Variants in MXI1 observed in about 807,000 individuals in gnomAD.
MXI1 encodes MAX interactor 1, dimerization protein.
A neutral mutation model predicts 36.9 loss-of-function variants in MXI1; 18 were observed. The observed-to-expected ratio is 0.49, with a 90% CI of 0.34 to 0.72. The LOEUF is 0.72. Ranked by LOEUF, MXI1 falls within the 30% of genes least tolerant of loss-of-function variation. MXI1 has a pLI of 0.01. For synonymous variants in MXI1, 160 were observed against 146.7 expected (o/e 1.09, Z -0.65); for missense variants, 304 against 379.1 (o/e 0.80, Z 1.64).
At chr10:110,213,244 T>G (rs1290972013) in intron 1 of MXI1, among the ~76,000 whole-genome samples, 1 of 152,234 alleles carries the variant, frequency 6.6e-6, no homozygotes, top group Non-Finnish European at 1.5e-5. Flanking sequence ...TAGAGTGACT[T>G]CTGCTGAAAT....
intron 3 of MXI1, among the ~76,000 whole-genome samples, chr10:110,246,931 A>C (rs146387061): frequency 6.6e-6 from 1 of 152,282 alleles, no homozygotes; most frequent in African/African-American, 2.4e-5. Flanking sequence ...TAAAACCTTA[A>C]ATTGAAGTTT....
chr10:110,250,131 GAT>G lies in MXI1; in HGVS notation c.437+5276_437+5277del, dbSNP rs201192295. On this transcript the variant is annotated intron_variant, in intron 3 of 5. Coordinates refer to ENST00000332674, the MANE Select transcript of MXI1 (RefSeq NM_130439.3). ...GGGAGCTCTAGGTAGTTTCAGGACT[GAT>G]AGAGAAATTCAGATTTTTTTCTTGG... 7.1e-3 allele frequency among the ~76,000 whole-genome samples: 1,082 copies of G among 152,254 alleles called. 20 individuals carry two copies. The highest frequency in any genetic ancestry group is 7.3e-3 in the Non-Finnish European group (495 of 68,012).
In MXI1 at chr10:110,286,362, T is replaced by TC. The variant is rs1296236351; in HGVS notation, c.*1378dup. The TC allele has an allele frequency of 2.0e-5, 3 of 152,616 alleles. No homozygotes were observed. The highest frequency in any genetic ancestry group is 1.3e-4 in the Admixed American group (2 of 15,284). 9.5% of individuals were successfully genotyped at this position (152,616 alleles called of 1,614,324 possible). A position where few individuals can be genotyped will look rare whatever the true frequency, so the allele number is the denominator to read the frequency against. On this transcript the variant is annotated 3_prime_UTR_variant, in exon 6 of 6. Transcript: ENST00000332674. Reference sequence around the variant, plus strand: ...TAGCCTGCACTTTGATGTCATGTGTTCCCTTTGTCTTTCAAACTCCAAGGT... The same window carrying TC: ...TAGCCTGCACTTTGATGTCATGTGTTCCCCTTTGTCTTTCAAACTCCAAGGT...
chr10:110,270,342 G>GAT (rs1205267872), intron 3 of MXI1, among the ~76,000 whole-genome samples: 1 of 152,144 alleles, frequency 6.6e-6, no homozygotes, highest in Admixed American at 6.5e-5. Context: ...GCACAGAATG[G>GAT]ATGTCAAGTG....
At chr10:110,238,934 C>G (rs944219651) in intron 2 of MXI1, among the ~76,000 whole-genome samples, 1 of 152,126 alleles carries the variant, frequency 6.6e-6, no homozygotes, top group Admixed American at 6.5e-5. Context: ...GATGTACACT[C>G]TTGATACTGT....
chr10:110,223,436 C>T (rs536700610), intron 1 of MXI1, among the ~76,000 whole-genome samples: 78 of 152,122 alleles, frequency 5.1e-4, no homozygotes, highest in African/African-American at 1.8e-3. Context: ...AAAAAATTAG[C>T]TGGGCGTGGT....
At chr10:110,218,824 C>T (rs962440556) in intron 1 of MXI1, among the ~76,000 whole-genome samples, 12 of 152,194 alleles carry the variant, frequency 7.9e-5, no homozygotes, top group Non-Finnish European at 1.8e-4. Context: ...CTGGCCCATA[C>T]ATGGAGCCAA....
chr10:110,244,870 T>G lies in MXI1; in HGVS notation c.437+13T>G. ...TGGAAAAGAATCGGTGAGTCAGTGA[T>G]GAGGTACAGCTTTCACTTACGTTTA... On this transcript the variant is annotated intron_variant, in intron 3 of 5. Transcript: ENST00000332674. The G allele has an allele frequency of 6.2e-7, 1 of 1,608,048 alleles. No homozygotes were observed. The highest frequency in any genetic ancestry group is 8.5e-7 in the Non-Finnish European group (1 of 1,177,774).
At chr10:110,275,665 T>G (rs1171432881) in intron 3 of MXI1, among the ~76,000 whole-genome samples, 1 of 152,220 alleles carries the variant, frequency 6.6e-6, no homozygotes, top group Non-Finnish European at 1.5e-5. Flanking sequence ...GGTCAGCTGC[T>G]GTTCTTCAAC....
At chr10:110,216,713 G>A (rs1199101118) in intron 1 of MXI1, among the ~76,000 whole-genome samples, 2 of 72,588 alleles carry the variant, frequency 2.8e-5, no homozygotes, top group Admixed American at 2.1e-4. Flanking sequence ...CTGTTACCCA[G>A]GCTAGTACAG....
intron 2 of MXI1, among the ~76,000 whole-genome samples, chr10:110,234,423 A>G (rs1855384842): frequency 6.6e-6 from 1 of 152,110 alleles, no homozygotes; most frequent in South Asian, 2.1e-4. Flanking sequence ...TTGGTTTCCT[A>G]CATTTTAAAA....
At chr10:110,242,892 A>G (rs1855725410) in intron 2 of MXI1, among the ~76,000 whole-genome samples, 1 of 151,862 alleles carries the variant, frequency 6.6e-6, no homozygotes, top group Non-Finnish European at 1.5e-5. Flanking sequence ...CAATGTTTCC[A>G]TTTATTACTT....
chr10:110,249,017 A>G (rs1855972793), intron 3 of MXI1, among the ~76,000 whole-genome samples: 1 of 152,134 alleles, frequency 6.6e-6, no homozygotes, highest in African/African-American at 2.4e-5. Flanking sequence ...TTAACCCTGT[A>G]TTATTTTTAC....
chr10:110,216,170 G>C (rs960683092), intron 1 of MXI1, among the ~76,000 whole-genome samples: 5 of 152,198 alleles, frequency 3.3e-5, no homozygotes, highest in Non-Finnish European at 7.3e-5. Context: ...TGAAAGTTCA[G>C]GTGACCCTTG....
intron 2 of MXI1, among the ~76,000 whole-genome samples, chr10:110,239,705 G>T (rs1855601084): frequency 6.6e-6 from 1 of 151,620 alleles, no homozygotes; most frequent in East Asian, 1.9e-4. Flanking sequence ...CTTACATTAG[G>T]GTGTTTGCTA....
chr10:110,277,910 TGAC>T (rs1394824353), intron 3 of MXI1, among the ~76,000 whole-genome samples: 3 of 152,218 alleles, frequency 2.0e-5, no homozygotes, highest in Non-Finnish European at 2.9e-5. Flanking sequence ...GAATTTCACT[TGAC>T]ATTATTTCTT....
chr10:110,249,674 A>G (rs1856002318), intron 3 of MXI1, among the ~76,000 whole-genome samples: 1 of 152,180 alleles, frequency 6.6e-6, no homozygotes, highest in African/African-American at 2.4e-5. Flanking sequence ...TCATTTTGAA[A>G]AAGAAATGGA....
At chr10:110,228,621 C>T (rs1248264646) in intron 2 of MXI1, among the ~76,000 whole-genome samples, 3 of 151,918 alleles carry the variant, frequency 2.0e-5, no homozygotes, top group African/African-American at 4.8e-5. Flanking sequence ...TAATCGTGGG[C>T]TGGCTTTCAA....
chr10:110,278,420 A>G (rs1056269940), intron 3 of MXI1, among the ~76,000 whole-genome samples: 9 of 152,122 alleles, frequency 5.9e-5, no homozygotes, highest in Non-Finnish European at 1.3e-4. Flanking sequence ...GGAAGAGAAA[A>G]AAGAAATAAA....
Sources: gnomAD v4.1 joint callset for allele counts (sites outside exome capture counted in the v4.1 genomes callset) on GRCh38, gnomAD v4.1.1 for gene constraint, MANE v1.5 for transcripts, NCBI Gene and HGNC (gene_info 2026-07-23, HGNC 2026-07-21) for gene names.